Variants in WWOX observed in about 807,000 individuals in gnomAD.
WWOX encodes WW domain-containing oxidoreductase.
Under a neutral mutation model 46.2 loss-of-function variants are expected in WWOX, and 69 were observed. The observed-to-expected ratio is 1.49, with a 90% confidence interval of 1.23 to 1.82. WWOX has a LOEUF of 1.82. Ranked by LOEUF, WWOX falls within the 40% of genes most tolerant of loss-of-function variation. The pLI is 0.00. For missense variants in WWOX, 919 were observed against 542.6 expected (o/e 1.69, Z -6.89); for synonymous variants, 359 against 202.6 (o/e 1.77, Z -6.56).
chr16:79,056,189 T>G (rs1248479559), intron 8 of WWOX, among the ~76,000 whole-genome samples: 1 of 149,404 alleles, frequency 6.7e-6, no homozygotes. Context: ...TGGTCTTTAG[T>G]GCTAAGTAAT....
intron 8 of WWOX, among the ~76,000 whole-genome samples, chr16:78,505,927 A>AC (rs1356872957): frequency 6.6e-6 from 1 of 152,192 alleles, no homozygotes; most frequent in Non-Finnish European, 1.5e-5. Context: ...AGAGAGAAGG[A>AC]CCCGGTTGGC....
intron 8 of WWOX, among the ~76,000 whole-genome samples, chr16:78,443,853 C>T (rs1329913776): frequency 6.6e-6 from 1 of 152,066 alleles, no homozygotes; most frequent in Non-Finnish European, 1.5e-5. Flanking sequence ...GTTTCCTTTT[C>T]TCCAATTTCA....
rs2079626177 is a variant in WWOX at position 78,278,769 on chromosome 16, A to T, written c.517-108091A>T. 1.2e-5 allele frequency: 12 copies of T among 1,010,424 alleles called. No homozygotes were observed. The East Asian group carries it at 3.1e-4, about 26-fold the overall frequency. 62.6% of individuals were successfully genotyped at this position (1,010,424 alleles called of 1,614,324 possible). ...CTTCTATCTCGGTGATCTGACAGAC[A>T]TGTACGATTTGCAACAACATCTATT... On this transcript the variant is annotated intron_variant, in intron 5 of 8. Transcript: ENST00000566780.
intron 5 of WWOX, among the ~76,000 whole-genome samples, chr16:78,381,948 C>A (rs2081965200): frequency 6.6e-6 from 1 of 152,192 alleles, no homozygotes; most frequent in African/African-American, 2.4e-5. Flanking sequence ...TCACGGCAGC[C>A]TCGACTTTCC....
rs1295743193 is a variant in WWOX, at chr16:78,825,839, A to G, written c.1057-385769A>G. On this transcript the variant is annotated intron_variant, in intron 8 of 8. Coordinates refer to ENST00000566780, the MANE Select transcript of WWOX (RefSeq NM_016373.4). ...TTTTCTGGGCATCAAGGTGAAGGTC[A>G]TGCTGCCCTGGGACCCCGCTGGTAA... is the stretch of plus-strand genomic sequence containing the variant. 9.8e-6 allele frequency: 6 copies of G among 614,824 alleles called. No homozygotes were observed. In the East Asian group the frequency reaches 1.2e-4, roughly 12 times the overall value. The allele number at this position is 614,824 out of a possible 1,614,324, so 38.1% of individuals were successfully genotyped here. A position where few individuals can be genotyped will look rare whatever the true frequency, so the allele number is the denominator to read the frequency against.
At chr16:78,825,519 C>T in intron 8 of WWOX, 1 of 507,778 alleles carries the variant, frequency 2.0e-6, no homozygotes, top group South Asian at 1.5e-5. Flanking sequence ...TGGCTTCCCA[C>T]AGGGCATTGT....
At chr16:78,393,647 G>A (rs2082224324) in intron 6 of WWOX, among the ~76,000 whole-genome samples, 4 of 152,220 alleles carry the variant, frequency 2.6e-5, no homozygotes, top group Middle Eastern at 3.4e-3. Flanking sequence ...GTATAATACT[G>A]ACCAAGGGTT....
intron 8 of WWOX, among the ~76,000 whole-genome samples, chr16:79,081,461 C>A (rs2048759062): frequency 6.6e-6 from 1 of 152,182 alleles, no homozygotes; most frequent in Non-Finnish European, 1.5e-5. Flanking sequence ...TAACTATCCT[C>A]ATTAAGCCAT....
At chr16:78,258,301 G>T (rs370675165) in intron 5 of WWOX, among the ~76,000 whole-genome samples, 1 of 152,090 alleles carries the variant, frequency 6.6e-6, no homozygotes, top group East Asian at 1.9e-4. Flanking sequence ...CTCTCCGTTT[G>T]GTGGGACTAA....
chr16:78,783,046 C>A (rs1006137080), intron 8 of WWOX, among the ~76,000 whole-genome samples: 1 of 152,192 alleles, frequency 6.6e-6, no homozygotes, highest in Non-Finnish European at 1.5e-5. Flanking sequence ...TTAATTATCA[C>A]TTAAACTCAA....
At chr16:78,911,685 G>C (rs922979578) in intron 8 of WWOX, among the ~76,000 whole-genome samples, 19 of 151,946 alleles carry the variant, frequency 1.3e-4, no homozygotes, top group African/African-American at 4.6e-4. Flanking sequence ...GGCCAACATG[G>C]TTAAACCCCA....
chr16:78,693,265 G>A (rs2048029982), intron 8 of WWOX, among the ~76,000 whole-genome samples: 1 of 152,138 alleles, frequency 6.6e-6, no homozygotes, highest in Admixed American at 6.5e-5. Context: ...TGGTTCTAGA[G>A]GTCTAGCCTA....
At chr16:78,391,572 G>C (rs538725699) in intron 6 of WWOX, among the ~76,000 whole-genome samples, 1 of 152,196 alleles carries the variant, frequency 6.6e-6, no homozygotes, top group Non-Finnish European at 1.5e-5. Flanking sequence ...CTCTGGCCAG[G>C]CACGGTGGCT....
At chr16:78,606,321 C>G (rs1350687420) in intron 8 of WWOX, among the ~76,000 whole-genome samples, 1 of 152,080 alleles carries the variant, frequency 6.6e-6, no homozygotes, top group African/African-American at 2.4e-5. Context: ...AAAATTGTTT[C>G]TCTTTTATAA....
At chr16:78,958,802 G>A (rs2046218874) in intron 8 of WWOX, among the ~76,000 whole-genome samples, 2 of 152,160 alleles carry the variant, frequency 1.3e-5, no homozygotes, top group Admixed American at 1.3e-4. Context: ...GGACATGGTT[G>A]GGGTAGTGGG....
chr16:79,041,414 G>A (rs2247465), intron 8 of WWOX, among the ~76,000 whole-genome samples: 27,098 of 152,028 alleles, frequency 0.18, 2,824 homozygotes, highest in African/African-American at 0.29. Context: ...CGCCCCTTGC[G>A]GTTCCTTGCC....
At chr16:78,408,464 A>T (rs2082600396) in intron 6 of WWOX, among the ~76,000 whole-genome samples, 1 of 152,034 alleles carries the variant, frequency 6.6e-6, no homozygotes, top group Non-Finnish European at 1.5e-5. Context: ...TTAGTTAATA[A>T]ATTCGGCTCC....
chr16:79,079,213 C>T (rs182912911), intron 8 of WWOX, among the ~76,000 whole-genome samples: 103 of 152,280 alleles, frequency 6.8e-4, no homozygotes, highest in African/African-American at 1.4e-3. Flanking sequence ...TTAGCATCCG[C>T]GGTCTTAGCA....
chr16:78,785,131 T>C (rs2050423409), intron 8 of WWOX, among the ~76,000 whole-genome samples: 1 of 152,236 alleles, frequency 6.6e-6, no homozygotes. Flanking sequence ...AATACTAGTA[T>C]GTAAAACTAA....
Sources: allele counts gnomAD v4.1 joint callset (sites outside exome capture counted in the v4.1 genomes callset), GRCh38; gene constraint gnomAD v4.1.1; transcripts MANE v1.5; gene names NCBI Gene and HGNC (gene_info 2026-07-23, HGNC 2026-07-21).